IQCK: variants seen among roughly 807,000 people sequenced by gnomAD.
IQCK encodes IQ motif containing K.
A neutral mutation model predicts 28.1 loss-of-function variants in IQCK; 29 were observed. The ratio of observed to expected loss-of-function variants is 1.03; its 90% CI spans 0.77 to 1.41. IQCK has a LOEUF of 1.41. IQCK is among the 40% of genes most tolerant of loss of function. The pLI is 0.00. For missense variants in IQCK, 359 were observed against 314.7 expected (o/e 1.14, Z -1.07); for synonymous variants, 113 against 115.1 (o/e 0.98, Z 0.12).
chr16:19,825,713 A>G lies in IQCK; in HGVS notation c.691-1313A>G, dbSNP rs186503643. ...TAAGATACTTCAAACCATGCCTGGG[A>G]GATAAATGCTCAATAAATATGAGCT... is the stretch of plus-strand genomic sequence containing the variant. On this transcript the variant is annotated intron_variant, in intron 7 of 7. Coordinates refer to ENST00000564186, the Ensembl canonical transcript of IQCK. The surrounding 1 kb of genome is among the most constrained non-coding windows in gnomAD (Gnocchi z 4.2). 4.8e-3 allele frequency among the ~76,000 whole-genome samples: 727 copies of G among 152,308 alleles called. 1 individual carries two copies. The highest frequency in any genetic ancestry group is 0.017 in the African/African-American group (704 of 41,566).
At chr16:19,767,454 C>T (rs899119107) in intron 6 of IQCK, among the ~76,000 whole-genome samples, 3 of 152,128 alleles carry the variant, frequency 2.0e-5, no homozygotes, top group South Asian at 4.1e-4. Context: ...GGCTGCTCAG[C>T]GGCCACAGCT....
intron 7 of IQCK, among the ~76,000 whole-genome samples, chr16:19,821,206 A>C (rs905737670): frequency 3.9e-5 from 6 of 152,170 alleles, no homozygotes; most frequent in African/African-American, 1.2e-4. Flanking sequence ...TAAATTAAAA[A>C]TGAAATTTAA....
At chr16:19,856,593 T>A (rs1209465712) in exon 10 of IQCK, 1 of 1,522,122 alleles carries the variant, frequency 6.6e-7, no homozygotes, top group South Asian at 1.1e-5. Context: ...CAAGTTACCT[T>A]GTGCAAGGAA....
At chr16:19,807,250 C>G (rs2055845951) in intron 7 of IQCK, among the ~76,000 whole-genome samples, 1 of 152,150 alleles carries the variant, frequency 6.6e-6, no homozygotes, top group Non-Finnish European at 1.5e-5. Flanking sequence ...GATTGCAGGC[C>G]CAGCTGACAT....
chr16:19,795,202 C>CA (rs896841210), intron 7 of IQCK, among the ~76,000 whole-genome samples: 20 of 4,918 alleles, frequency 4.1e-3, no homozygotes, highest in East Asian at 0.017. Flanking sequence ...GACTCCGACT[C>CA]AAAAAAAAAA....
intron 4 of IQCK, among the ~76,000 whole-genome samples, chr16:19,748,568 ATGT>A (rs1287394812): frequency 1.3e-5 from 2 of 152,170 alleles, no homozygotes; most frequent in Non-Finnish European, 2.9e-5. Flanking sequence ...TACACATTAA[ATGT>A]TGTTAATCCT....
At chr16:19,820,357 AAACAC>A (rs760827087) in intron 7 of IQCK, among the ~76,000 whole-genome samples, 119 of 152,070 alleles carry the variant, frequency 7.8e-4, no homozygotes, top group Admixed American at 2.4e-3. Flanking sequence ...TCTCTACTAA[AAACAC>A]AAAATTGCTG....
At position 19,719,231 on chromosome 16, in the gene IQCK, A is replaced by C. The variant is rs539398778; in HGVS notation, c.181+744A>C. Among the ~76,000 whole-genome samples the C allele has an allele frequency of 3.3e-5, 5 of 152,254 alleles. No individual in the cohort carries two copies. In the South Asian group the frequency reaches 8.3e-4, roughly 25 times the overall value. ...GCAAAAGGATTATTGGGGAAAAAAA[A>C]ACACAAACTGCTCGATTTACAGAAG... On this transcript the variant is annotated intron_variant, in intron 1 of 7. Transcript: ENST00000564186.
chr16:19,841,020 C>A (rs1194600347), intron 9 of IQCK, among the ~76,000 whole-genome samples: 1 of 152,208 alleles, frequency 6.6e-6, no homozygotes, highest in African/African-American at 2.4e-5. Flanking sequence ...ATGGTGTTCA[C>A]CCTTAGGATC....
intron 9 of IQCK, among the ~76,000 whole-genome samples, chr16:19,832,963 C>T (rs1239878236): frequency 6.6e-6 from 1 of 152,158 alleles, no homozygotes; most frequent in Non-Finnish European, 1.5e-5. Flanking sequence ...CCTCCTTCCA[C>T]ACATGGGGAT....
intron 9 of IQCK, among the ~76,000 whole-genome samples, chr16:19,844,871 C>T (rs2056398393): frequency 6.6e-6 from 1 of 152,114 alleles, no homozygotes; most frequent in Admixed American, 6.5e-5. Flanking sequence ...CACAGTGGCA[C>T]AATCTTGGCT....
intron 1 of IQCK, among the ~76,000 whole-genome samples, chr16:19,723,941 CAG>C (rs1428691622): frequency 6.7e-6 from 1 of 149,020 alleles, no homozygotes; most frequent in Non-Finnish European, 1.5e-5. Context: ...GCCTGGGTGA[CAG>C]AGTGAGACTC....
At chr16:19,780,993 A>G (rs994739579) in intron 6 of IQCK, among the ~76,000 whole-genome samples, 2 of 152,206 alleles carry the variant, frequency 1.3e-5, no homozygotes, top group South Asian at 2.1e-4. Flanking sequence ...CAAAGTAGAA[A>G]GGGATCCGTG....
At chr16:19,822,084 CAAAAAAA>C (rs1234011581) in intron 7 of IQCK, among the ~76,000 whole-genome samples, 27 of 97,640 alleles carry the variant, frequency 2.8e-4, no homozygotes, top group African/African-American at 1.0e-3. Flanking sequence ...AAAAAAAAAA[CAAAAAAA>C]AAAACAAAAA....
At chr16:19,818,004 C>T (rs1567568961) in intron 7 of IQCK, among the ~76,000 whole-genome samples, 1 of 152,132 alleles carries the variant, frequency 6.6e-6, no homozygotes. Flanking sequence ...TATCAGTTGT[C>T]GCGGTCCAGA....
At chr16:19,808,595 G>A (rs2055861736) in intron 7 of IQCK, among the ~76,000 whole-genome samples, 1 of 152,180 alleles carries the variant, frequency 6.6e-6, no homozygotes, top group Non-Finnish European at 1.5e-5. Flanking sequence ...GGGTGGTTGT[G>A]TGGAGTAAAT....
chr16:19,829,615 G>C (rs535348158), downstream of IQCK, among the ~76,000 whole-genome samples: 1 of 152,116 alleles, frequency 6.6e-6, no homozygotes, highest in African/African-American at 2.4e-5. Context: ...GGGATTACAG[G>C]CATCAGCCAC....
At chr16:19,776,144 G>A (rs567843074) in intron 6 of IQCK, among the ~76,000 whole-genome samples, 1 of 152,182 alleles carries the variant, frequency 6.6e-6, no homozygotes, top group South Asian at 2.1e-4. Flanking sequence ...GCCTCCCAAA[G>A]TGCTGGGATT....
intron 7 of IQCK, among the ~76,000 whole-genome samples, chr16:19,809,754 A>C (rs2055879124): frequency 6.6e-6 from 1 of 152,172 alleles, no homozygotes; most frequent in Non-Finnish European, 1.5e-5. Context: ...CCCACATCAT[A>C]ATTATCCAGA....
Sources: allele counts gnomAD v4.1 joint callset (sites outside exome capture counted in the v4.1 genomes callset), GRCh38; gene constraint gnomAD v4.1.1; non-coding constraint Gnocchi (gnomAD v3.1); transcripts MANE v1.5; gene names NCBI Gene and HGNC (gene_info 2026-07-23, HGNC 2026-07-21).